The following ST6GALNAC3 variants were observed in gnomAD, a reference collection of about 807,000 sequenced individuals.
ST6GALNAC3 encodes ST6 N-acetylgalactosaminide alpha-2,6-sialyltransferase 3, also known as alpha-N-acetylgalactosaminide alpha-2,6-sialyltransferase 3.
A neutral mutation model predicts 32.7 loss-of-function variants in ST6GALNAC3; 25 were observed. The observed-to-expected ratio is 0.76, with a 90% CI of 0.56 to 1.07. The LOEUF is 1.07. ST6GALNAC3 is among the 50% of genes least tolerant of loss of function. The pLI, the probability that ST6GALNAC3 is intolerant of heterozygous loss-of-function variation, is 0.00. For missense variants in ST6GALNAC3, 355 were observed against 382.4 expected (o/e 0.93, Z 0.60); for synonymous variants, 129 against 133.1 (o/e 0.97, Z 0.21).
chr1:76,323,162 G>A (rs527724005), intron 2 of ST6GALNAC3, among the ~76,000 whole-genome samples: 13 of 152,098 alleles, frequency 8.5e-5, no homozygotes, highest in Non-Finnish European at 1.5e-4. Context: ...TTAGATAAGG[G>A]ATTGCAGGCC....
chr1:76,206,149 G>C (rs755535150), intron 1 of ST6GALNAC3, among the ~76,000 whole-genome samples: 1 of 152,128 alleles, frequency 6.6e-6, no homozygotes, highest in South Asian at 2.1e-4. Flanking sequence ...TCATGATTAC[G>C]TGCTTAAGTT....
chr1:76,535,253 T>G lies in ST6GALNAC3; in HGVS notation c.624-92199T>G, dbSNP rs188918921. ...ACAATAAGTCCTAAATAGTGTCTAC[T>G]ATTATTTTTATAAACTTAAGAAATT... On this transcript the variant is annotated intron_variant, in intron 3 of 4. Coordinates refer to ENST00000328299, the MANE Select transcript of ST6GALNAC3 (RefSeq NM_152996.4). Among the ~76,000 whole-genome samples, 437 of 152,294 alleles carry G rather than the reference T, an allele frequency of 2.9e-3. 2 individuals carry two copies. The highest frequency in any genetic ancestry group is 3.4e-3 in the Middle Eastern group (1 of 294).
chr1:76,139,050 T>C lies in ST6GALNAC3; in HGVS notation c.18+64166T>C, dbSNP rs143196198. On this transcript the variant is annotated intron_variant, in intron 1 of 4. Coordinates refer to ENST00000328299, the MANE Select transcript of ST6GALNAC3 (RefSeq NM_152996.4). ...TCTACTAAAAATACAAAAAATTAGC[T>C]GGGCGTGGTGGCAGACGCCTGTAGT... 8.2e-3 allele frequency among the ~76,000 whole-genome samples: 1,252 copies of C among 152,018 alleles called. 15 individuals carry two copies. Among genetic ancestry groups the C allele is most frequent in the African/African-American group, 0.028 (1,178 of 41,482 alleles).
chr1:76,610,461 A>T (rs534568115), intron 3 of ST6GALNAC3, among the ~76,000 whole-genome samples: 13 of 152,252 alleles, frequency 8.5e-5, no homozygotes, highest in African/African-American at 3.1e-4. Context: ...GCAGGAAATG[A>T]TAGAATCCCA....
At chr1:76,562,670 G>A (rs1665313650) in intron 3 of ST6GALNAC3, among the ~76,000 whole-genome samples, 1 of 152,184 alleles carries the variant, frequency 6.6e-6, no homozygotes, top group African/African-American at 2.4e-5. Context: ...GTGCTTGTCT[G>A]CAACATCTAC....
intron 3 of ST6GALNAC3, among the ~76,000 whole-genome samples, chr1:76,432,504 G>C (rs1655835506): frequency 8.1e-6 from 1 of 123,194 alleles, no homozygotes; most frequent in Non-Finnish European, 1.6e-5. Context: ...GCCCAGGCTG[G>C]AATGCAGTGG....
intron 1 of ST6GALNAC3, among the ~76,000 whole-genome samples, chr1:76,174,852 GA>G (rs1050200918): frequency 4.0e-5 from 6 of 151,608 alleles, no homozygotes; most frequent in Admixed American, 3.9e-4. Flanking sequence ...ATTTTTAGTA[GA>G]TACAAGGTTT....
intron 1 of ST6GALNAC3, among the ~76,000 whole-genome samples, chr1:76,209,007 G>C (rs1334628295): frequency 6.6e-6 from 1 of 152,054 alleles, no homozygotes; most frequent in African/African-American, 2.4e-5. Flanking sequence ...TTTATCTTTT[G>C]TAGTTCTCCT....
intron 1 of ST6GALNAC3, among the ~76,000 whole-genome samples, chr1:76,304,729 A>G (rs1322565317): frequency 6.6e-6 from 1 of 152,040 alleles, no homozygotes; most frequent in African/African-American, 2.4e-5. Flanking sequence ...GAAAAATAAG[A>G]GATTCCAGCT....
intron 1 of ST6GALNAC3, chr1:76,142,927 T>C: frequency 2.3e-6 from 1 of 443,424 alleles, no homozygotes; most frequent in Admixed American, 2.5e-5. Flanking sequence ...CACCGTATCT[T>C]TTATGTCTTT....
intron 3 of ST6GALNAC3, among the ~76,000 whole-genome samples, chr1:76,508,129 C>T (rs915115629): frequency 6.6e-6 from 1 of 152,068 alleles, no homozygotes; most frequent in African/African-American, 2.4e-5. Context: ...TTTTTGGCAC[C>T]AGGGACTGGT....
chr1:76,149,622 G>C (rs1319485004), intron 1 of ST6GALNAC3, among the ~76,000 whole-genome samples: 1 of 152,110 alleles, frequency 6.6e-6, no homozygotes, highest in Non-Finnish European at 1.5e-5. Context: ...CATCCATGTT[G>C]GTGCAAATGA....
At chr1:76,440,421 T>A (rs1656491979) in intron 3 of ST6GALNAC3, among the ~76,000 whole-genome samples, 1 of 152,182 alleles carries the variant, frequency 6.6e-6, no homozygotes, top group Non-Finnish European at 1.5e-5. Context: ...ACAGCCCAAG[T>A]TGGAGATGAT....
At chr1:76,103,153 GC>G (rs1647302906) in intron 1 of ST6GALNAC3, among the ~76,000 whole-genome samples, 1 of 149,188 alleles carries the variant, frequency 6.7e-6, no homozygotes, top group Non-Finnish European at 1.5e-5. Flanking sequence ...ATTGTAATTG[GC>G]CTGGGTGAAG....
Position 76,491,795 on chromosome 1 carries a change from G to A in ST6GALNAC3, c.623+79378G>A, listed in dbSNP as rs775112299. ...TTTGGAAGAGGGACATCAAAGTACAGTTCTTGCTAAAGAAATTCCCCCTCA... is the reference window on the plus strand; with the variant it reads ...TTTGGAAGAGGGACATCAAAGTACAATTCTTGCTAAAGAAATTCCCCCTCA... On this transcript the variant is annotated intron_variant, in intron 3 of 4. Coordinates refer to ENST00000328299, the MANE Select transcript of ST6GALNAC3 (RefSeq NM_152996.4). 2.0e-5 allele frequency among the ~76,000 whole-genome samples: 3 copies of A among 152,162 alleles called. No individual in the cohort carries two copies. The East Asian group carries it at 5.8e-4, about 29-fold the overall frequency.
At chr1:76,529,905 C>T (rs370494173) in intron 3 of ST6GALNAC3, among the ~76,000 whole-genome samples, 6 of 152,292 alleles carry the variant, frequency 3.9e-5, no homozygotes, top group African/African-American at 1.2e-4. Flanking sequence ...ATATAAAATG[C>T]TCACAAAAGC....
intron 3 of ST6GALNAC3, among the ~76,000 whole-genome samples, chr1:76,570,073 G>A (rs1035487302): frequency 5.3e-5 from 8 of 152,194 alleles, no homozygotes; most frequent in African/African-American, 1.7e-4. Context: ...GCTAAAGAAG[G>A]GCTGAGCTAT....
At chr1:76,488,508 A>G (rs1405123965) in intron 3 of ST6GALNAC3, among the ~76,000 whole-genome samples, 1 of 152,218 alleles carries the variant, frequency 6.6e-6, no homozygotes, top group Non-Finnish European at 1.5e-5. Context: ...ACAAAGTGGT[A>G]ACTAACAACA....
chr1:76,377,739 C>T (rs1322773381), intron 2 of ST6GALNAC3, among the ~76,000 whole-genome samples: 2 of 152,074 alleles, frequency 1.3e-5, no homozygotes, highest in Non-Finnish European at 2.9e-5. Flanking sequence ...CTTTAGGTTT[C>T]AAATATAAAA....
Sources: gnomAD v4.1 joint callset for allele counts (sites outside exome capture counted in the v4.1 genomes callset) on GRCh38, gnomAD v4.1.1 for gene constraint, MANE v1.5 for transcripts, NCBI Gene and HGNC (gene_info 2026-07-23, HGNC 2026-07-21) for gene names.